BABAM2: variants seen among roughly 807,000 people sequenced by gnomAD.
BABAM2 encodes BRISC and BRCA1 A complex member 2.
BABAM2 carries 31 observed loss-of-function variants against 54.7 expected under a neutral mutation model. That is an observed-to-expected ratio of 0.57 (90% CI 0.43 to 0.77). The LOEUF (loss-of-function observed/expected upper bound fraction) is 0.77, where lower values mean the gene tolerates loss of function less well. Ranked by LOEUF, BABAM2 falls within the 30% of genes least tolerant of loss-of-function variation. The probability of loss-of-function intolerance (pLI) is 0.00; values close to 1 mark genes in which losing one functional copy is unlikely to be tolerated. For synonymous variants in BABAM2, 167 were observed against 162.9 expected (o/e 1.03, Z -0.19); for missense variants, 364 against 455.8 (o/e 0.80, Z 1.83).
At chr2:28,106,735 T>A (rs6740628) in intron 6 of BABAM2, among the ~76,000 whole-genome samples, 2 of 152,186 alleles carry the variant, frequency 1.3e-5, no homozygotes, top group African/African-American at 2.4e-5. Flanking sequence ...GTTACTTTTT[T>A]CCCCTTTGTC....
chr2:28,104,544 T>C (rs1336361176), intron 6 of BABAM2, among the ~76,000 whole-genome samples: 2 of 152,150 alleles, frequency 1.3e-5, no homozygotes, highest in Non-Finnish European at 1.5e-5. Context: ...AAACAACAGG[T>C]GCTGGAGAGG....
chr2:27,984,385 C>T (rs140431335), intron 3 of BABAM2, among the ~76,000 whole-genome samples: 35 of 152,208 alleles, frequency 2.3e-4, no homozygotes, highest in African/African-American at 7.9e-4. Context: ...CATATTATCT[C>T]TACTTGTGCT....
At chr2:28,230,707 C>T (rs1375736470) in intron 7 of BABAM2, among the ~76,000 whole-genome samples, 1 of 122,698 alleles carries the variant, frequency 8.2e-6, no homozygotes, top group Non-Finnish European at 1.7e-5. Flanking sequence ...CAGAGCAAGA[C>T]CCTGTCTCAG....
chr2:27,913,329 T>C (rs1666740366), intron 2 of BABAM2, among the ~76,000 whole-genome samples: 1 of 152,168 alleles, frequency 6.6e-6, no homozygotes, highest in Non-Finnish European at 1.5e-5. Context: ...CCTGCTCTCT[T>C]TGAATAGCAC....
At chr2:28,184,326 C>T (rs1029097369) in intron 7 of BABAM2, among the ~76,000 whole-genome samples, 1 of 141,394 alleles carries the variant, frequency 7.1e-6, no homozygotes, top group Non-Finnish European at 1.5e-5. Context: ...GTCTCTCTCT[C>T]TCCAGGTATT....
intron 3 of BABAM2, among the ~76,000 whole-genome samples, chr2:27,935,959 C>G (rs1220604393): frequency 6.6e-6 from 1 of 152,116 alleles, no homozygotes; most frequent in African/African-American, 2.4e-5. Flanking sequence ...TGCTCTGTCT[C>G]CCAGGCTGAA....
At position 28,237,432 on chromosome 2, in the gene BABAM2, C is replaced by G. The variant is rs1399697965; in HGVS notation, c.780+131C>G. 3 of 717,954 alleles carry G rather than the reference C, an allele frequency of 4.2e-6. No homozygotes were observed. In the African/African-American group the frequency reaches 5.2e-5, roughly 13 times the overall value. The allele number at this position is 717,954 out of a possible 1,614,324, so 44.5% of individuals were successfully genotyped here. A position where few individuals can be genotyped will look rare whatever the true frequency, so the allele number is the denominator to read the frequency against. ...AGTTTCAGCCTCCATCTGACACCTGCCCTTCCTACTGTGAATTACAGTTAA... is the reference window on the plus strand; with the variant it reads ...AGTTTCAGCCTCCATCTGACACCTGGCCTTCCTACTGTGAATTACAGTTAA... On this transcript the variant is annotated intron_variant, in intron 8 of 11. Transcript: ENST00000379624.
At chr2:28,303,456 A>G (rs1688267278) in intron 11 of BABAM2, among the ~76,000 whole-genome samples, 1 of 152,202 alleles carries the variant, frequency 6.6e-6, no homozygotes, top group African/African-American at 2.4e-5. Flanking sequence ...TCCCTGTTGA[A>G]TTACCTTTAC....
At chr2:27,961,724 T>A (rs1670484723) in intron 3 of BABAM2, among the ~76,000 whole-genome samples, 1 of 30,032 alleles carries the variant, frequency 3.3e-5, no homozygotes, top group African/African-American at 2.3e-4. Context: ...TTAATTATCT[T>A]TTTTTTTTTT....
intron 4 of BABAM2, among the ~76,000 whole-genome samples, chr2:28,005,596 T>C (rs1490306732): frequency 2.6e-5 from 4 of 152,178 alleles, no homozygotes; most frequent in Non-Finnish European, 5.9e-5. Flanking sequence ...ATTAATTGCA[T>C]ACCTTCTTTA....
At chr2:27,925,920 G>A (rs752576217) in intron 2 of BABAM2, among the ~76,000 whole-genome samples, 1 of 152,176 alleles carries the variant, frequency 6.6e-6, no homozygotes, top group African/African-American at 2.4e-5. Context: ...GTTTACTGAA[G>A]CAGCAGCATT....
chr2:28,121,105 A>G (rs1669028022), intron 6 of BABAM2, among the ~76,000 whole-genome samples: 1 of 152,188 alleles, frequency 6.6e-6, no homozygotes, highest in Admixed American at 6.5e-5. Flanking sequence ...AGAACTCAGT[A>G]TATGTTGGAG....
chr2:28,121,093 C>G (rs1669026136), intron 6 of BABAM2, among the ~76,000 whole-genome samples: 2 of 152,180 alleles, frequency 1.3e-5, no homozygotes, highest in East Asian at 1.9e-4. Context: ...AATTTTTAAC[C>G]AAGAACTCAG....
At chr2:27,988,836 C>G (rs1159562752) in intron 4 of BABAM2, among the ~76,000 whole-genome samples, 1 of 152,024 alleles carries the variant, frequency 6.6e-6, no homozygotes, top group Non-Finnish European at 1.5e-5. Flanking sequence ...GGTATGATAC[C>G]TATACTAGAA....
intron 6 of BABAM2, among the ~76,000 whole-genome samples, chr2:28,065,978 T>TA (rs756592657): frequency 0.029 from 2,625 of 91,832 alleles, 55 homozygotes; most frequent in African/African-American, 0.064. Context: ...CTGTCTCTAC[T>TA]AAAAAAAAAA....
At chr2:27,984,740 G>A (rs1672274432) in intron 3 of BABAM2, among the ~76,000 whole-genome samples, 1 of 151,540 alleles carries the variant, frequency 6.6e-6, no homozygotes, top group Non-Finnish European at 1.5e-5. Flanking sequence ...GGTGGTGTTT[G>A]GTTACATGAA....
chr2:28,232,146 G>T (rs1244265919), intron 7 of BABAM2, among the ~76,000 whole-genome samples: 2 of 152,132 alleles, frequency 1.3e-5, no homozygotes, highest in Non-Finnish European at 2.9e-5. Context: ...GAACTGGTGA[G>T]AAAGTTGAGT....
At chr2:28,060,378 A>T (rs1452075415) in intron 6 of BABAM2, among the ~76,000 whole-genome samples, 1 of 152,178 alleles carries the variant, frequency 6.6e-6, no homozygotes, top group Non-Finnish European at 1.5e-5. Flanking sequence ...ATCTATGAAA[A>T]TCCTATAGCT....
At chr2:28,266,060 C>G (rs1004607069) in intron 10 of BABAM2, among the ~76,000 whole-genome samples, 1 of 152,108 alleles carries the variant, frequency 6.6e-6, no homozygotes, top group Non-Finnish European at 1.5e-5. Flanking sequence ...TCTTGGCCCA[C>G]TGCAACCTCC....
Sources: allele counts gnomAD v4.1 joint callset (sites outside exome capture counted in the v4.1 genomes callset), GRCh38; gene constraint gnomAD v4.1.1; transcripts MANE v1.5; gene names NCBI Gene and HGNC (gene_info 2026-07-23, HGNC 2026-07-21).